The following PRPF38B variants were observed in gnomAD, a reference collection of about 807,000 sequenced individuals.
PRPF38B encodes pre-mRNA-splicing factor 38B.
In PRPF38B, 18 loss-of-function variants were observed where a neutral mutation model predicts 67.2. The ratio of observed to expected loss-of-function variants is 0.27; its 90% confidence interval spans 0.19 to 0.40. The LOEUF (loss-of-function observed/expected upper bound fraction) is 0.40, where lower values mean the gene tolerates loss of function less well. PRPF38B is among the 10% of genes least tolerant of loss of function. The pLI is 1.00. For synonymous variants in PRPF38B, 246 were observed against 234.2 expected (o/e 1.05, Z -0.46); for missense variants, 544 against 684.9 (o/e 0.79, Z 2.30).
Position 108,702,786 on chromosome 1 carries a change from T to TA in PRPF38B, c.*2773dup, listed in dbSNP as rs956098459. Among the ~76,000 whole-genome samples, 1 of 152,130 alleles carries TA rather than the reference T, an allele frequency of 6.6e-6. No homozygotes were observed. The highest frequency in any genetic ancestry group is 1.5e-5 in the Non-Finnish European group (1 of 68,002). ...ATGTATCTGAACTTAAAGTATAATT[T>TA]AAAAAAATTTTTAATACAGCTTAAT... On this transcript the variant is annotated 3_prime_UTR_variant, in exon 6 of 6. Coordinates refer to ENST00000370025, the MANE Select transcript of PRPF38B (RefSeq NM_018061.4).
Position 108,699,544 on chromosome 1 carries a change from T to G in PRPF38B, c.1165T>G (p.Ser389Ala), listed in dbSNP as rs758887581. 6.4e-7 allele frequency: 1 copy of G among 1,550,776 alleles called. No individual in the cohort carries two copies. Among genetic ancestry groups the G allele is most frequent in the South Asian group, 1.2e-5 (1 of 84,532 alleles). ...AGAGAGAGAGCGATCAAGAGAAAGG[T>G]CCAAGGAACAGAGAAGTAGGGGAGA... is the stretch of plus-strand genomic sequence containing the variant. ...EKERERSRERSKEQRSRGEVE... is the reference protein window; with the variant it reads ...EKERERSRERAKEQRSRGEVE... The change falls in exon 6 of 6, where the codon TCC becomes GCC. Residue 389 changes from serine to alanine, a missense_variant. Coordinates refer to ENST00000370025, the MANE Select transcript of PRPF38B (RefSeq NM_018061.4).
At position 108,699,461 on chromosome 1, in the gene PRPF38B, A is replaced by G. The variant is rs1416316161; in HGVS notation, c.1082A>G (p.Glu361Gly). ...GATCGAGAAAGAGAGAAAGAAAATG[A>G]GAGAGGTAGAAGACGAGATCGTGAC... is the stretch of plus-strand genomic sequence containing the variant. ...DRDREREKEN[E>G]RGRRRDRDYD... Residue 361 changes from glutamate to glycine, a missense_variant, in exon 6 of 6, where the codon GAG (glutamate) becomes GGG (glycine). By Grantham distance (98) the Glu-to-Gly change is moderately conservative. Around this residue, in one of 5 missense-constraint regions of PRPF38B, gnomAD observed 387 missense variants for 386.1 expected, o/e 1.00. Coordinates refer to ENST00000370025, the MANE Select transcript of PRPF38B (RefSeq NM_018061.4). 1.2e-6 allele frequency: 2 copies of G among 1,611,766 alleles called. No individual in the cohort carries two copies. The highest frequency in any genetic ancestry group is 2.7e-5 in the African/African-American group (2 of 74,872).
intron 4 of PRPF38B, chr1:108,696,788 G>A (rs1659902350): frequency 1.4e-6 from 1 of 715,788 alleles, no homozygotes; most frequent in Middle Eastern, 2.3e-4. Flanking sequence ...CACTTGCATA[G>A]AAGTGCAGAA....
At chr1:108,694,548 C>G (rs1659667854) in intron 1 of PRPF38B, among the ~76,000 whole-genome samples, 1 of 152,076 alleles carries the variant, frequency 6.6e-6, no homozygotes, top group African/African-American at 2.4e-5. Context: ...TCCAGCCCTG[C>G]CTTTGGCTAG....
intron 4 of PRPF38B, chr1:108,696,828 T>G: frequency 1.4e-6 from 1 of 700,734 alleles, no homozygotes; most frequent in Non-Finnish European, 2.6e-6. Context: ...ATAAATAGGC[T>G]AAGTGTTTGG....
At position 108,699,923 on chromosome 1, in the gene PRPF38B, G is replaced by A; in HGVS notation, c.1544G>A (p.Ser515Asn). The A allele has an allele frequency of 1.2e-6, 2 of 1,614,162 alleles. No individual in the cohort carries two copies. The highest frequency in any genetic ancestry group is 1.6e-4 in the Middle Eastern group (1 of 6,062). The change falls in exon 6 of 6, where the codon AGT becomes AAT. Residue 515 changes from serine to asparagine, a missense_variant. Physicochemically the swap from Ser to Asn is conservative, Grantham distance 46 (BLOSUM62 1). This residue lies in a region of PRPF38B where 387 missense variants were observed against 386.1 expected (regional missense o/e 1.00). Coordinates refer to ENST00000370025, the MANE Select transcript of PRPF38B (RefSeq NM_018061.4). The stretch of plus-strand genomic sequence containing the variant: ...TCCCACAAACGAGATCACAGTGATA[G>A]TAAGGACCAGTCAGACAAACATGAT... Reference protein sequence around the residue: ...ERSHKRDHSDSKDQSDKHDRR... With the variant: ...ERSHKRDHSDNKDQSDKHDRR...
chr1:108,702,287 G>A lies in PRPF38B; in HGVS notation c.*2267G>A, dbSNP rs560210115. ...ACCACAGGTGCATGCTAGCACACCCGGCTAATTTGTATTTTTGGTAGGGTT... is the reference window on the plus strand; with the variant it reads ...ACCACAGGTGCATGCTAGCACACCCAGCTAATTTGTATTTTTGGTAGGGTT... On this transcript the variant is annotated 3_prime_UTR_variant, in exon 6 of 6. Transcript: ENST00000370025. Among the ~76,000 whole-genome samples, 3 of 151,992 alleles carry A rather than the reference G, an allele frequency of 2.0e-5. No homozygotes were observed. Among genetic ancestry groups the A allele is most frequent in the South Asian group, 2.1e-4 (1 of 4,818 alleles).
chr1:108,702,617 TCA>T lies in PRPF38B; in HGVS notation c.*2601_*2602del, dbSNP rs1660624340. ...ACATGAGAACATTTGGACACGAACA[TCA>T]CACGCCGGGGCCTGTTGTGGGGTGG... On this transcript the variant is annotated 3_prime_UTR_variant, in exon 6 of 6. Transcript: ENST00000370025. Among the ~76,000 whole-genome samples, 1 of 151,960 alleles carries T rather than the reference TCA, an allele frequency of 6.6e-6. No homozygotes were observed. The highest frequency in any genetic ancestry group is 1.5e-5 in the Non-Finnish European group (1 of 68,000).
At chr1:108,695,812 A>G in intron 2 of PRPF38B, 42 bp downstream of exon 2, 1 of 1,591,198 alleles carries the variant, frequency 6.3e-7, no homozygotes, top group Non-Finnish European at 8.6e-7. Context: ...TCTGTGTCTA[A>G]TAACTAAGTT....
intron 2 of PRPF38B, 68 bp from the exon 3 acceptor site, chr1:108,695,975 A>G (rs1337761179): frequency 6.6e-7 from 1 of 1,507,780 alleles, no homozygotes; most frequent in Non-Finnish European, 9.1e-7. Context: ...ACCTAACAGG[A>G]TTAATCAATT....
chr1:108,699,784 A>C lies in PRPF38B; in HGVS notation c.1405A>C (p.Lys469Gln). Residue 469 changes from lysine (K) to glutamine (Q), a missense_variant, in exon 6 of 6, where the codon AAA (lysine) becomes CAA (glutamine). By Grantham distance (53) the Lys-to-Gln change is moderately conservative. Coordinates refer to ENST00000370025, the MANE Select transcript of PRPF38B (RefSeq NM_018061.4). ...AAATGAAAGTAAAGAAAAATCAAATAAACGAAGTCGAAGTGGCAGTCAAGG... is the reference window on the plus strand; with the variant it reads ...AAATGAAAGTAAAGAAAAATCAAATCAACGAAGTCGAAGTGGCAGTCAAGG... ...HKNESKEKSN[K>Q]RSRSGSQGRT... is the part of the protein sequence containing the mutation. 6.2e-7 allele frequency: 1 copy of C among 1,613,096 alleles called. No homozygotes were observed. The highest frequency in any genetic ancestry group is 1.1e-5 in the South Asian group (1 of 90,714).
In PRPF38B at chr1:108,696,025, A is replaced by T; in HGVS notation, c.346-18A>T. 6.2e-7 allele frequency: 1 copy of T among 1,605,084 alleles called. No individual in the cohort carries two copies. The highest frequency in any genetic ancestry group is 1.7e-5 in the Admixed American group (1 of 57,702). On this transcript the variant is annotated intron_variant, in intron 2 of 5. Coordinates refer to ENST00000370025, the MANE Select transcript of PRPF38B (RefSeq NM_018061.4). ...GTTAATTATTTTACTACTTTTTCTTAACTCGTTTCCCCTAAAGGTTCGAGG... is the reference window on the plus strand; with the variant it reads ...GTTAATTATTTTACTACTTTTTCTTTACTCGTTTCCCCTAAAGGTTCGAGG...
rs769822169 is a variant in PRPF38B at position 108,692,560 on chromosome 1, C to A, written c.-32C>A. The A allele has an allele frequency of 6.6e-7, 1 of 1,513,344 alleles. No individual in the cohort carries two copies. The highest frequency in any genetic ancestry group is 1.2e-5 in the South Asian group (1 of 80,128). The allele number at this position is 1,513,344 out of a possible 1,614,324, so 93.7% of individuals were successfully genotyped here. A position where few individuals can be genotyped will look rare whatever the true frequency, so the allele number is the denominator to read the frequency against. ...GATCGAGCTTGGCCCCCTCCCCCCC[C>A]TCCTTCCCTCCCTCCTTCCTTCCGC... is the stretch of plus-strand genomic sequence containing the variant. On this transcript the variant is annotated 5_prime_UTR_variant, in exon 1 of 6. Coordinates refer to ENST00000370025, the MANE Select transcript of PRPF38B (RefSeq NM_018061.4).
At chr1:108,696,787 A>G (rs1198395400) in intron 4 of PRPF38B, 2 of 715,844 alleles carry the variant, frequency 2.8e-6, no homozygotes, top group Admixed American at 2.0e-5. Flanking sequence ...CCACTTGCAT[A>G]GAAGTGCAGA....
Position 108,700,196 on chromosome 1 carries a change from T to G in PRPF38B, c.*176T>G. On this transcript the variant is annotated 3_prime_UTR_variant, in exon 6 of 6. Coordinates refer to ENST00000370025, the MANE Select transcript of PRPF38B (RefSeq NM_018061.4). ...TGTAATTCCATTTATTGCATTGGTG[T>G]TTTCACCCAATTGTTAAGTTTGATA... 8.9e-7 allele frequency: 1 copy of G among 1,127,596 alleles called. No individual in the cohort carries two copies. Among genetic ancestry groups the G allele is most frequent in the Non-Finnish European group, 1.2e-6 (1 of 844,160 alleles). 69.8% of individuals were successfully genotyped at this position (1,127,596 alleles called of 1,614,324 possible). A position where few individuals can be genotyped will look rare whatever the true frequency, so the allele number is the denominator to read the frequency against.
rs938106810 is a variant in PRPF38B at position 108,702,897 on chromosome 1, A to G, written c.*2877A>G. ...ATCTTTTGCCTGTTTTTAATGTTCA[A>G]TTTGCAATTAAATTCTATACATGGG... On this transcript the variant is annotated 3_prime_UTR_variant, in exon 6 of 6. Transcript: ENST00000370025. Among the ~76,000 whole-genome samples the G allele has an allele frequency of 1.3e-5, 2 of 152,156 alleles. No individual in the cohort carries two copies. Among genetic ancestry groups the G allele is most frequent in the Non-Finnish European group, 2.9e-5 (2 of 68,024 alleles).
chr1:108,694,764 TA>T (rs58665405), intron 1 of PRPF38B, among the ~76,000 whole-genome samples: 7,228 of 151,362 alleles, frequency 0.048, 602 homozygotes, highest in African/African-American at 0.17. Flanking sequence ...TTTATGTTTT[TA>T]AAAAAAAACA....
Position 108,699,914 on chromosome 1 carries a change from A to G in PRPF38B, c.1535A>G (p.His512Arg). The change falls in exon 6 of 6, where the codon CAC (histidine) becomes CGC (arginine). Residue 512 changes from histidine (H) to arginine (R), a missense_variant. This residue lies in a region of PRPF38B where 387 missense variants were observed against 386.1 expected (regional missense o/e 1.00). Coordinates refer to ENST00000370025, the MANE Select transcript of PRPF38B (RefSeq NM_018061.4). ...AAAGAACGTTCCCACAAACGAGATC[A>G]CAGTGATAGTAAGGACCAGTCAGAC... ...RSKERSHKRD[H>R]SDSKDQSDKH... 1.2e-6 allele frequency: 2 copies of G among 1,614,224 alleles called. No individual in the cohort carries two copies. Among genetic ancestry groups the G allele is most frequent in the Non-Finnish European group, 8.5e-7 (1 of 1,180,032 alleles).
Position 108,695,698 on chromosome 1 carries a change from T to G in PRPF38B, c.277-4T>G. ...TTTGTTGTGTTCCTCTTTTCTATTT[T>G]CAGGTCACGCACGTTGAACCATGGG... On this transcript the variant is annotated splice_region_variant and splice_polypyrimidine_tract_variant and intron_variant, in intron 1 of 5. Transcript: ENST00000370025. The G allele has an allele frequency of 6.2e-7, 1 of 1,613,776 alleles. No individual in the cohort carries two copies. The highest frequency in any genetic ancestry group is 8.5e-7 in the Non-Finnish European group (1 of 1,179,794).
Sources: allele counts gnomAD v4.1 joint callset (sites outside exome capture counted in the v4.1 genomes callset), GRCh38; gene constraint gnomAD v4.1.1; regional missense constraint gnomAD v4.1.1; transcripts MANE v1.5; gene names NCBI Gene and HGNC (gene_info 2026-07-23, HGNC 2026-07-21).